Variants in PDZRN4 observed in about 807,000 individuals in gnomAD.
PDZRN4 encodes the protein PDZ domain containing ring finger 4.
A neutral mutation model predicts 99.0 loss-of-function variants in PDZRN4; 70 were observed. The ratio of observed to expected loss-of-function variants is 0.71; its 90% confidence interval spans 0.58 to 0.86. The LOEUF (loss-of-function observed/expected upper bound fraction) is 0.86, where lower values mean the gene tolerates loss of function less well. PDZRN4 is among the 40% of genes least tolerant of loss of function. The pLI, the probability that PDZRN4 is intolerant of heterozygous loss-of-function variation, is 0.00. For missense variants in PDZRN4, 1,474 were observed against 1,331.2 expected (o/e 1.11, Z -1.67); for synonymous variants, 551 against 501.6 (o/e 1.10, Z -1.32).
intron 3 of PDZRN4, among the ~76,000 whole-genome samples, chr12:41,293,941 C>A (rs1951473201): frequency 6.6e-6 from 1 of 152,160 alleles, no homozygotes; most frequent in South Asian, 2.1e-4. Flanking sequence ...AATCTGTCTT[C>A]TCTTTTCATA....
chr12:41,218,494 TTTC>T (rs570748757), intron 3 of PDZRN4, among the ~76,000 whole-genome samples: 4,775 of 152,118 alleles, frequency 0.031, 254 homozygotes, highest in African/African-American at 0.11. Flanking sequence ...TGTGCTTTTG[TTTC>T]AAAAAAAATT....
intron 3 of PDZRN4, among the ~76,000 whole-genome samples, chr12:41,260,232 G>A (rs190833022): frequency 3.9e-5 from 6 of 152,002 alleles, no homozygotes; most frequent in Admixed American, 1.3e-4. Flanking sequence ...TTTGACTTAC[G>A]TATTAGGATA....
intron 3 of PDZRN4, among the ~76,000 whole-genome samples, chr12:41,269,784 A>C (rs918260380): frequency 6.6e-6 from 1 of 152,186 alleles, no homozygotes; most frequent in Non-Finnish European, 1.5e-5. Flanking sequence ...AATAAAGCAC[A>C]AGATGGAAAG....
intron 3 of PDZRN4, among the ~76,000 whole-genome samples, chr12:41,394,249 T>C (rs992490813): frequency 3.3e-5 from 5 of 152,098 alleles, no homozygotes; most frequent in African/African-American, 1.2e-4. Context: ...ACCAAAGCCC[T>C]GACTTCCCAT....
At chr12:41,384,983 T>C (rs1322739562) in intron 3 of PDZRN4, among the ~76,000 whole-genome samples, 2 of 152,152 alleles carry the variant, frequency 1.3e-5, no homozygotes, top group African/African-American at 4.8e-5. Flanking sequence ...GAAAGTACAA[T>C]GATGAATCCT....
At chr12:41,335,265 A>T (rs1951765442) in intron 3 of PDZRN4, among the ~76,000 whole-genome samples, 1 of 151,340 alleles carries the variant, frequency 6.6e-6, no homozygotes, top group Non-Finnish European at 1.5e-5. Context: ...TTATTTATTT[A>T]TTTATTTTTA....
chr12:41,460,342 C>T (rs1397519964), intron 3 of PDZRN4, among the ~76,000 whole-genome samples: 2 of 152,136 alleles, frequency 1.3e-5, no homozygotes, highest in Non-Finnish European at 2.9e-5. Flanking sequence ...TTAGTTCAAA[C>T]TTTCTAGTGC....
At chr12:41,443,678 A>G (rs1257863681) in intron 3 of PDZRN4, among the ~76,000 whole-genome samples, 4 of 152,104 alleles carry the variant, frequency 2.6e-5, no homozygotes, top group Admixed American at 6.6e-5. Flanking sequence ...AAAGAATGTA[A>G]AAGGAGAATA....
intron 3 of PDZRN4, among the ~76,000 whole-genome samples, chr12:41,316,563 A>G (rs1951639429): frequency 6.6e-6 from 1 of 151,832 alleles, no homozygotes; most frequent in Admixed American, 6.6e-5. Context: ...AATATTTATT[A>G]TAACCTATGA....
intron 3 of PDZRN4, among the ~76,000 whole-genome samples, chr12:41,454,321 G>A (rs897541033): frequency 2.6e-5 from 4 of 152,234 alleles, no homozygotes; most frequent in Non-Finnish European, 5.9e-5. Flanking sequence ...ATCAGGCTTC[G>A]GTCTCAACAC....
intron 3 of PDZRN4, among the ~76,000 whole-genome samples, chr12:41,469,261 T>C (rs941663477): frequency 3.1e-4 from 47 of 152,166 alleles, no homozygotes. Context: ...CTAAAAATGA[T>C]TGAGAAGTTG....
At chr12:41,414,555 T>TA (rs998192944) in intron 3 of PDZRN4, among the ~76,000 whole-genome samples, 1 of 151,462 alleles carries the variant, frequency 6.6e-6, no homozygotes, top group Non-Finnish European at 1.5e-5. Context: ...CTGAAAAAAA[T>TA]AAAAAGTATA....
chr12:41,417,034 A>G (rs1372577687), intron 3 of PDZRN4, among the ~76,000 whole-genome samples: 3 of 152,224 alleles, frequency 2.0e-5, no homozygotes, highest in African/African-American at 7.2e-5. Flanking sequence ...TGTTTGTAAT[A>G]CAACTAAAGA....
intron 3 of PDZRN4, among the ~76,000 whole-genome samples, chr12:41,427,694 G>A (rs1204925539): frequency 6.6e-6 from 1 of 152,132 alleles, no homozygotes; most frequent in Non-Finnish European, 1.5e-5. Flanking sequence ...ACAACCATAT[G>A]AGGACCATTT....
intron 3 of PDZRN4, among the ~76,000 whole-genome samples, chr12:41,492,315 A>G (rs575083569): frequency 2.4e-4 from 36 of 152,226 alleles, no homozygotes; most frequent in Non-Finnish European, 4.9e-4. Flanking sequence ...GAACTATTAG[A>G]TAATATGAAA....
At chr12:41,387,724 G>A (rs551950323) in intron 3 of PDZRN4, among the ~76,000 whole-genome samples, 3 of 152,308 alleles carry the variant, frequency 2.0e-5, no homozygotes, top group Admixed American at 6.5e-5. Flanking sequence ...AAACCACAAT[G>A]AGCTACCATC....
In PDZRN4 at chr12:41,573,933, A is replaced by T; in HGVS notation, c.*43A>T. 1 of 1,381,238 alleles carries T rather than the reference A, an allele frequency of 7.2e-7. No homozygotes were observed. The highest frequency in any genetic ancestry group is 9.8e-7 in the Non-Finnish European group (1 of 1,019,004). The allele number at this position is 1,381,238 out of a possible 1,614,324, so 85.6% of individuals were successfully genotyped here. ...ATGCGACTGATTTTAGGAGGATGCTACCAGTTTCGGTAGAGTATGATTGCC... is the reference window on the plus strand; with the variant it reads ...ATGCGACTGATTTTAGGAGGATGCTTCCAGTTTCGGTAGAGTATGATTGCC... On this transcript the variant is annotated 3_prime_UTR_variant, in exon 10 of 10. Coordinates refer to ENST00000402685, the MANE Select transcript of PDZRN4 (RefSeq NM_001164595.2).
Position 41,279,107 on chromosome 12 carries a change from C to T in PDZRN4, c.843+84919C>T, listed in dbSNP as rs370304073. Among the ~76,000 whole-genome samples the T allele has an allele frequency of 1.1e-4, 16 of 152,292 alleles. No individual in the cohort carries two copies. In the South Asian group the frequency reaches 1.2e-3, roughly 12 times the overall value. ...AAAGGGCACTGGGAAACCAGTTACA[C>T]GCAGGGTTCGGGTATACAGTGTTTT... On this transcript the variant is annotated intron_variant, in intron 3 of 9. Coordinates refer to ENST00000402685, the MANE Select transcript of PDZRN4 (RefSeq NM_001164595.2).
At chr12:41,551,285 C>G (rs987910737) in intron 5 of PDZRN4, among the ~76,000 whole-genome samples, 3 of 152,048 alleles carry the variant, frequency 2.0e-5, no homozygotes, top group African/African-American at 7.2e-5. Flanking sequence ...GAGGGCTCAG[C>G]AGTTCTTACG....
Sources: allele counts gnomAD v4.1 joint callset (sites outside exome capture counted in the v4.1 genomes callset), GRCh38; gene constraint gnomAD v4.1.1; transcripts MANE v1.5; gene names NCBI Gene and HGNC (gene_info 2026-07-23, HGNC 2026-07-21).